RPRD1B: variants seen among roughly 807,000 people sequenced by gnomAD.
RPRD1B encodes the protein regulation of nuclear pre-mRNA domain containing 1B, also known as regulation of nuclear pre-mRNA domain-containing protein 1B.
A neutral mutation model predicts 41.5 loss-of-function variants in RPRD1B; 11 were observed. The ratio of observed to expected loss-of-function variants is 0.27; its 90% CI spans 0.17 to 0.44. The LOEUF (loss-of-function observed/expected upper bound fraction) is 0.44, where lower values mean the gene tolerates loss of function less well. RPRD1B is among the 20% of genes least tolerant of loss of function. The probability of loss-of-function intolerance (pLI) is 1.00; values close to 1 mark genes in which losing one functional copy is unlikely to be tolerated. For missense variants in RPRD1B, 248 were observed against 389.9 expected, an observed-to-expected ratio of 0.64 and a Z score of 3.06; for synonymous variants, 158 against 155.6, an observed-to-expected ratio of 1.02 and a Z score of -0.12.
chr20:38,057,179 A>G (rs2074251520), intron 3 of RPRD1B, among the ~76,000 whole-genome samples: 1 of 151,738 alleles, frequency 6.6e-6, no homozygotes, highest in Admixed American at 6.6e-5. Flanking sequence ...CTCATTTTAT[A>G]CACAATATCT....
In RPRD1B at chr20:38,076,906, C is replaced by CTTTT. The variant is rs573460686; in HGVS notation, c.831+10677_831+10680dup. On this transcript the variant is annotated intron_variant, in intron 6 of 6. Coordinates refer to ENST00000373433, the MANE Select transcript of RPRD1B (RefSeq NM_021215.4). ...CCTTTAGCCTTTTCTCATTCTGGAC[C>CTTTT]TTTTTTTTTTTTTTTTTTTTTTTTT... 4.4e-4 allele frequency among the ~76,000 whole-genome samples: 28 copies of CTTTT among 63,522 alleles called. 5 individuals are homozygous for CTTTT. The highest frequency in any genetic ancestry group is 3.5e-3 in the East Asian group (6 of 1,692). The allele number at this position is 63,522 out of a possible 152,430, so 41.7% of individuals were successfully genotyped here. A position where few individuals can be genotyped will look rare whatever the true frequency, so the allele number is the denominator to read the frequency against.
At position 38,048,263 on chromosome 20, in the gene RPRD1B, ATTTCT is replaced by A. The variant is rs1000021589; in HGVS notation, c.282-81_282-77del. 3.1e-5 allele frequency: 42 copies of A among 1,345,108 alleles called. No homozygotes were observed. In the East Asian group the frequency reaches 7.4e-4, roughly 24 times the overall value. 83.3% of individuals were successfully genotyped at this position (1,345,108 alleles called of 1,614,324 possible). ...GTGTAAATCATTTAGTCAGTTGTTG[ATTTCT>A]TTTTTTTTTAAGTAGGTCTGTCCTA... On this transcript the variant is annotated intron_variant, in intron 2 of 6. Coordinates refer to ENST00000373433, the MANE Select transcript of RPRD1B (RefSeq NM_021215.4).
At chr20:38,048,308 A>T in intron 2 of RPRD1B, 40 bp from the exon 3 acceptor site, 1 of 1,573,960 alleles carries the variant, frequency 6.4e-7, no homozygotes, top group Non-Finnish European at 8.7e-7. Flanking sequence ...AAAGCAAAAA[A>T]TCTTAAGCTT....
At chr20:38,067,581 A>G (rs2074370234) in intron 6 of RPRD1B, among the ~76,000 whole-genome samples, 1 of 152,110 alleles carries the variant, frequency 6.6e-6, no homozygotes, top group Non-Finnish European at 1.5e-5. Flanking sequence ...GGCACTTTTT[A>G]CCGTATCCTT....
intron 5 of RPRD1B, among the ~76,000 whole-genome samples, chr20:38,065,581 A>G (rs944426206): frequency 2.0e-5 from 3 of 152,150 alleles, no homozygotes; most frequent in Non-Finnish European, 2.9e-5. Flanking sequence ...AATAGTTGTT[A>G]TTCTGTATTT....
intron 3 of RPRD1B, among the ~76,000 whole-genome samples, chr20:38,052,096 G>C (rs1568648361): frequency 6.6e-6 from 1 of 152,120 alleles, no homozygotes; most frequent in Non-Finnish European, 1.5e-5. Flanking sequence ...CATGGCATTT[G>C]ATCCTTCTGA....
chr20:38,040,409 A>C (rs2074054406), intron 1 of RPRD1B, 26 bp from the exon 2 acceptor site: 1 of 1,560,138 alleles, frequency 6.4e-7, no homozygotes, highest in East Asian at 2.3e-5. Flanking sequence ...GGTGTAAGTT[A>C]AATTCTTTTC....
At chr20:38,081,794 C>T (rs1050596402) in intron 6 of RPRD1B, among the ~76,000 whole-genome samples, 2 of 152,164 alleles carry the variant, frequency 1.3e-5, no homozygotes, top group Non-Finnish European at 2.9e-5. Flanking sequence ...GCCTTTTCTG[C>T]ATCTGTTGAA....
At chr20:38,041,000 G>A (rs2074060658) in intron 2 of RPRD1B, among the ~76,000 whole-genome samples, 1 of 152,116 alleles carries the variant, frequency 6.6e-6, no homozygotes, top group Admixed American at 6.5e-5. Flanking sequence ...ACTAAAAATA[G>A]TAGGCATTAC....
chr20:38,043,849 C>T lies in RPRD1B; in HGVS notation c.281+3285C>T, dbSNP rs139782648. Among the ~76,000 whole-genome samples, 658 of 152,200 alleles carry T rather than the reference C, an allele frequency of 4.3e-3. 2 individuals are homozygous for T. Among genetic ancestry groups the T allele is most frequent in the African/African-American group, 0.015 (628 of 41,502 alleles). ...GGAAAAGATTTGGTGGAGGAAATCA[C>T]GAGTTTTGTTTTGGCCAGGCCGAGT... On this transcript the variant is annotated intron_variant, in intron 2 of 6. Coordinates refer to ENST00000373433, the MANE Select transcript of RPRD1B (RefSeq NM_021215.4).
chr20:38,051,359 C>T (rs188519157), intron 3 of RPRD1B, among the ~76,000 whole-genome samples: 78 of 152,274 alleles, frequency 5.1e-4, no homozygotes, highest in Non-Finnish European at 9.6e-4. Context: ...ATGTAGTATA[C>T]GGTTGTAGAA....
At chr20:38,054,225 T>C (rs1416892882) in intron 3 of RPRD1B, among the ~76,000 whole-genome samples, 1 of 152,044 alleles carries the variant, frequency 6.6e-6, no homozygotes, top group Non-Finnish European at 1.5e-5. Flanking sequence ...GTGTTCGTAA[T>C]GGAAATAGGT....
At position 38,090,544 on chromosome 20, in the gene RPRD1B, CAG is replaced by C; in HGVS notation, c.*670_*671del. 1.0e-6 allele frequency: 1 copy of C among 985,884 alleles called. No individual in the cohort carries two copies. Among genetic ancestry groups the C allele is most frequent in the Non-Finnish European group, 1.2e-6 (1 of 829,936 alleles). The allele number at this position is 985,884 out of a possible 1,614,324, so 61.1% of individuals were successfully genotyped here. On this transcript the variant is annotated 3_prime_UTR_variant, in exon 7 of 7. Coordinates refer to ENST00000373433, the MANE Select transcript of RPRD1B (RefSeq NM_021215.4). ...AAGGCACAGTTCAGAGACAGAATAACAGGGATCACAAGCATGAATTAAAAGGA... is the reference window on the plus strand; with the variant it reads ...AAGGCACAGTTCAGAGACAGAATAACGGATCACAAGCATGAATTAAAAGGA...
At chr20:38,050,083 C>A (rs1206932690) in intron 3 of RPRD1B, among the ~76,000 whole-genome samples, 1 of 152,218 alleles carries the variant, frequency 6.6e-6, no homozygotes, top group Non-Finnish European at 1.5e-5. Flanking sequence ...CCCATGTGGT[C>A]ATTCCCTCCT....
rs562105334 is a variant in RPRD1B, at chr20:38,091,813, C to T, written c.*1938C>T. 8 of 985,840 alleles carry T rather than the reference C, an allele frequency of 8.1e-6. No individual in the cohort carries two copies. In the South Asian group the frequency reaches 3.8e-4, roughly 46 times the overall value. 61.1% of individuals were successfully genotyped at this position (985,840 alleles called of 1,614,324 possible). ...AATATAGCAGAATGGATTTAGCCCACTGCTCTGTTTTATCCAACTGAGTCT... is the reference window on the plus strand; with the variant it reads ...AATATAGCAGAATGGATTTAGCCCATTGCTCTGTTTTATCCAACTGAGTCT... On this transcript the variant is annotated 3_prime_UTR_variant, in exon 7 of 7. Coordinates refer to ENST00000373433, the MANE Select transcript of RPRD1B (RefSeq NM_021215.4).
At position 38,066,094 on chromosome 20, in the gene RPRD1B, T is replaced by C. The variant is rs1227881029; in HGVS notation, c.669T>C (p.Ala223=). 6.8e-6 allele frequency: 11 copies of C among 1,614,166 alleles called. No individual in the cohort carries two copies. The highest frequency in any genetic ancestry group is 9.3e-6 in the Non-Finnish European group (11 of 1,180,000). The change falls in exon 6 of 7, where the codon GCT becomes GCC. Residue 223 remains alanine (A), a synonymous_variant. Transcript: ENST00000373433. ...LLEKITDKEA[A]ERLSKTVDEA... ...ATTTGTACTTAGACAAAGAGGCAGC[T>C]GAACGTCTTTCAAAAACAGTAGATG... is the stretch of plus-strand genomic sequence containing the variant.
At chr20:38,036,421 A>G (rs761493533) in intron 1 of RPRD1B, among the ~76,000 whole-genome samples, 3 of 152,152 alleles carry the variant, frequency 2.0e-5, no homozygotes, top group African/African-American at 7.2e-5. Context: ...ATTAGAATTA[A>G]TGAGTGCCTC....
At chr20:38,052,170 A>G (rs2074191810) in intron 3 of RPRD1B, among the ~76,000 whole-genome samples, 1 of 152,228 alleles carries the variant, frequency 6.6e-6, no homozygotes, top group Admixed American at 6.5e-5. Flanking sequence ...AGTGATGAGG[A>G]TTACTTGAGA....
chr20:38,054,282 T>C (rs1287954767), intron 3 of RPRD1B, among the ~76,000 whole-genome samples: 1 of 152,148 alleles, frequency 6.6e-6, no homozygotes, highest in Non-Finnish European at 1.5e-5. Flanking sequence ...TAGTAATTCA[T>C]GTCCAGAAAT....
Sources: gnomAD v4.1 joint callset for allele counts (sites outside exome capture counted in the v4.1 genomes callset) on GRCh38, gnomAD v4.1.1 for gene constraint, MANE v1.5 for transcripts, NCBI Gene and HGNC (gene_info 2026-07-23, HGNC 2026-07-21) for gene names.